The following ABCG1 variants were observed in gnomAD, a reference collection of about 807,000 sequenced individuals.
ABCG1 encodes the protein ATP-binding cassette sub-family G member 1.
In ABCG1, 29 loss-of-function variants were observed where a neutral mutation model predicts 69.2. The ratio of observed to expected loss-of-function variants is 0.42; its 90% CI spans 0.31 to 0.57. The LOEUF (loss-of-function observed/expected upper bound fraction) is 0.57, where lower values mean the gene tolerates loss of function less well. Ranked by LOEUF, ABCG1 falls within the 20% of genes least tolerant of loss-of-function variation. The probability of loss-of-function intolerance (pLI) is 0.15; values close to 1 mark genes in which losing one functional copy is unlikely to be tolerated. For missense variants in ABCG1, 718 were observed against 898.1 expected, an observed-to-expected ratio of 0.80 and a Z score of 2.56; for synonymous variants, 370 against 374.8, an observed-to-expected ratio of 0.99 and a Z score of 0.15.
chr21:42,289,953 T>C (rs1429256251), intron 10 of ABCG1, 97 bp from the exon 11 acceptor site: 5 of 1,411,238 alleles, frequency 3.5e-6, no homozygotes, highest in Non-Finnish European at 5.0e-6. Context: ...TGTCACAGAG[T>C]TCAGGGTCCC....
chr21:42,211,769 A>T (rs1480063209), upstream of ABCG1, among the ~76,000 whole-genome samples: 1 of 151,958 alleles, frequency 6.6e-6, no homozygotes, highest in Non-Finnish European at 1.5e-5. Flanking sequence ...TGCGCTGGTA[A>T]TTCCAGCTAC....
chr21:42,210,539 A>G (rs962893239), intron 2 of ABCG1, among the ~76,000 whole-genome samples: 7 of 152,152 alleles, frequency 4.6e-5, no homozygotes, highest in Non-Finnish European at 7.4e-5. Flanking sequence ...GGTTTCCTAG[A>G]TCTTTCCCAG....
chr21:42,212,705 ATTT>A (rs35840150), upstream of ABCG1, among the ~76,000 whole-genome samples: 3,284 of 140,172 alleles, frequency 0.023, 105 homozygotes, highest in African/African-American at 0.073. Context: ...TTAAAAACAG[ATTT>A]TTTTTTTTTT....
intron 1 of ABCG1, among the ~76,000 whole-genome samples, chr21:42,200,950 C>G (rs934653319): frequency 6.6e-6 from 1 of 151,976 alleles, no homozygotes; most frequent in Non-Finnish European, 1.5e-5. Flanking sequence ...TCTTACGTCC[C>G]GAGGTACATG....
At chr21:42,283,246 C>G (rs543962054) in intron 6 of ABCG1, among the ~76,000 whole-genome samples, 1 of 152,320 alleles carries the variant, frequency 6.6e-6, no homozygotes, top group African/African-American at 2.4e-5. Context: ...GTTTCCTTCT[C>G]TTGGGCCTGC....
chr21:42,220,214 A>G (rs182600633), intron 1 of ABCG1, among the ~76,000 whole-genome samples: 4 of 152,130 alleles, frequency 2.6e-5, no homozygotes, highest in Non-Finnish European at 5.9e-5. Flanking sequence ...CTAAAGTACA[A>G]ATGGAAAGTC....
chr21:42,288,700 T>G lies in ABCG1; in HGVS notation c.1224+388T>G, dbSNP rs926331124. Among the ~76,000 whole-genome samples, 2 of 135,506 alleles carry G rather than the reference T, an allele frequency of 1.5e-5. No individual in the cohort carries two copies. The highest frequency in any genetic ancestry group is 3.1e-5 in the Non-Finnish European group (2 of 65,078). 88.9% of individuals were successfully genotyped at this position (135,506 alleles called of 152,430 possible). The stretch of plus-strand genomic sequence containing the variant: ...TCCAGCCTGGGTGACAGAGAGAGAC[T>G]CCCATCTGAAAAAGAAAGAAAGGAA... On this transcript the variant is annotated intron_variant, in intron 10 of 14. Coordinates refer to ENST00000398449, the MANE Select transcript of ABCG1 (RefSeq NM_016818.3). The surrounding 1 kb of genome is among the most constrained non-coding windows in gnomAD (Gnocchi z 4.8).
In ABCG1 at chr21:42,255,661, T is replaced by C. The variant is rs538954236; in HGVS notation, c.287-15409T>C. 4.1e-3 allele frequency among the ~76,000 whole-genome samples: 632 copies of C among 152,340 alleles called. 6 individuals carry two copies. The highest frequency in any genetic ancestry group is 0.015 in the African/African-American group (607 of 41,572). ...TTCTCTTCCCCACTTAGGGCTGGGA[T>C]GTTTTCACAGAAATCACAGAGCAGC... On this transcript the variant is annotated intron_variant, in intron 2 of 14. Transcript: ENST00000398449.
At position 42,276,648 on chromosome 21, in the gene ABCG1, G is replaced by A. The variant is rs558552881; in HGVS notation, c.538-247G>A. On this transcript the variant is annotated intron_variant, in intron 4 of 14. Coordinates refer to ENST00000398449, the MANE Select transcript of ABCG1 (RefSeq NM_016818.3). This position sits in a 1 kb window ranked among gnomAD's most constrained non-coding sequence, Gnocchi z 5.3. ...TAGCTGCATGGTGGCTAGTTGCACC[G>A]TGGCTAGTGGCCTTATGCCTAGCTG... 5.0e-4 allele frequency: 231 copies of A among 461,690 alleles called. No individual in the cohort carries two copies. Among genetic ancestry groups the A allele is most frequent in the African/African-American group, 3.8e-3 (194 of 50,512 alleles). The allele number at this position is 461,690 out of a possible 1,614,324, so 28.6% of individuals were successfully genotyped here.
chr21:42,259,331 A>C (rs1160466515), intron 2 of ABCG1: 3 of 1,549,402 alleles, frequency 1.9e-6, no homozygotes, highest in Non-Finnish European at 2.6e-6. Flanking sequence ...CCGTGCATGT[A>C]CAGGTGGCAG....
At chr21:42,255,543 C>A (rs956515600) in intron 2 of ABCG1, among the ~76,000 whole-genome samples, 34 of 152,306 alleles carry the variant, frequency 2.2e-4, no homozygotes, top group African/African-American at 8.2e-4. Flanking sequence ...GTGTACAGGG[C>A]AGACGCACTC....
chr21:42,255,183 G>A (rs1418895889), intron 2 of ABCG1, among the ~76,000 whole-genome samples: 1 of 152,240 alleles, frequency 6.6e-6, no homozygotes, highest in East Asian at 1.9e-4. Flanking sequence ...TTCAGTACCT[G>A]CGCAGGGGCA....
At chr21:42,228,510 C>T (rs1236412077) in intron 2 of ABCG1, among the ~76,000 whole-genome samples, 1 of 152,188 alleles carries the variant, frequency 6.6e-6, no homozygotes, top group Non-Finnish European at 1.5e-5. Context: ...TTTATCACTC[C>T]AGCACACAGA....
chr21:42,292,896 C>T (rs1390874873), intron 13 of ABCG1, among the ~76,000 whole-genome samples: 1 of 144,994 alleles, frequency 6.9e-6, no homozygotes, highest in Non-Finnish European at 1.5e-5. Flanking sequence ...TACACACACA[C>T]CACACTACAC....
Position 42,296,053 on chromosome 21 carries a change from G to T in ABCG1, c.1773-111G>T. The T allele has an allele frequency of 2.3e-6, 2 of 880,276 alleles. No homozygotes were observed. Among genetic ancestry groups the T allele is most frequent in the South Asian group, 1.5e-5 (1 of 67,156 alleles). 54.5% of individuals were successfully genotyped at this position (880,276 alleles called of 1,614,324 possible). On this transcript the variant is annotated intron_variant, in intron 14 of 14. Transcript: ENST00000398449. This position sits in a 1 kb window ranked among gnomAD's most constrained non-coding sequence, Gnocchi z 5.4. ...TCTGGGGAAGGCGGCCCTTTGGGAAGGGAGGATAGCCAAGCTGGGAATCGC... is the reference window on the plus strand; with the variant it reads ...TCTGGGGAAGGCGGCCCTTTGGGAATGGAGGATAGCCAAGCTGGGAATCGC...
At position 42,219,995 on chromosome 21, in the gene ABCG1, T is replaced by C; in HGVS notation, c.42+691T>C. ...GGATGCGCATTTCACTTCCCCGAGCTCCGGAGAGGGATGGCGGGGTGTCGG... is the reference window on the plus strand; with the variant it reads ...GGATGCGCATTTCACTTCCCCGAGCCCCGGAGAGGGATGGCGGGGTGTCGG... On this transcript the variant is annotated intron_variant, in intron 1 of 14. Transcript: ENST00000398449. This position sits in a 1 kb window ranked among gnomAD's most constrained non-coding sequence, Gnocchi z 5.3. 1 of 1,553,298 alleles carries C rather than the reference T, an allele frequency of 6.4e-7. No individual in the cohort carries two copies. Among genetic ancestry groups the C allele is most frequent in the Non-Finnish European group, 8.7e-7 (1 of 1,147,800 alleles).
chr21:42,280,676 G>A (rs989795686), intron 5 of ABCG1, among the ~76,000 whole-genome samples: 2 of 152,252 alleles, frequency 1.3e-5, no homozygotes, highest in Non-Finnish European at 2.9e-5. Flanking sequence ...CGGAGGGAAA[G>A]GCACCCACAG....
At chr21:42,293,317 G>A (rs551474638) in intron 13 of ABCG1, among the ~76,000 whole-genome samples, 1,518 of 61,306 alleles carry the variant, frequency 0.025, 51 homozygotes, top group African/African-American at 0.088. Context: ...ACACCACACA[G>A]TACACACTAC....
chr21:42,270,259 C>CATAA (rs2068592495), intron 2 of ABCG1, among the ~76,000 whole-genome samples: 1 of 87,184 alleles, frequency 1.1e-5, no homozygotes, highest in African/African-American at 4.8e-5. Context: ...GACTCAGTCT[C>CATAA]AAAAAAAAAA....
Sources: allele counts gnomAD v4.1 joint callset (sites outside exome capture counted in the v4.1 genomes callset), GRCh38; gene constraint gnomAD v4.1.1; non-coding constraint Gnocchi (gnomAD v3.1); transcripts MANE v1.5; gene names NCBI Gene and HGNC (gene_info 2026-07-23, HGNC 2026-07-21).